The following KIF2A variants were observed in gnomAD, a reference collection of about 807,000 sequenced individuals.
KIF2A encodes the protein kinesin-like protein KIF2A.
Under a neutral mutation model 100.2 loss-of-function variants are expected in KIF2A, and 22 were observed. That is an observed-to-expected ratio of 0.22 (90% CI 0.16 to 0.31). KIF2A has a LOEUF of 0.31. Among genes scored for constraint, KIF2A ranks in the 10% least tolerant of loss-of-function variants. The pLI is 1.00. For synonymous variants in KIF2A, 268 were observed against 285.9 expected, an observed-to-expected ratio of 0.94 and a Z score of 0.63; for missense variants, 495 against 898.7, an observed-to-expected ratio of 0.55 and a Z score of 5.74.
At chr5:62,342,313 C>T (rs1747336764) in intron 1 of KIF2A, among the ~76,000 whole-genome samples, 1 of 152,152 alleles carries the variant, frequency 6.6e-6, no homozygotes, top group Non-Finnish European at 1.5e-5. Flanking sequence ...GCTTATGGCT[C>T]TCTGGGGTCC....
chr5:62,324,915 C>G (rs1011961816), intron 1 of KIF2A, among the ~76,000 whole-genome samples: 1 of 152,102 alleles, frequency 6.6e-6, no homozygotes. Flanking sequence ...AACAGACAAC[C>G]TACAGAATGG....
In KIF2A at chr5:62,357,699, A is replaced by G. The variant is rs1748186072; in HGVS notation, c.663A>G (p.Glu221=). 6.5e-7 allele frequency: 1 copy of G among 1,542,090 alleles called. No homozygotes were observed. Among genetic ancestry groups the G allele is most frequent in the Non-Finnish European group, 8.9e-7 (1 of 1,121,084 alleles). Residue 221 remains glutamate, a synonymous_variant, in exon 8 of 21, where the codon GAA becomes GAG. Coordinates refer to ENST00000407818, the MANE Select transcript of KIF2A (RefSeq NM_001098511.3). ...RPLTTADPID[E]HRICVCVRKR... ...ATACTTTTTATTTCTAGATTGATGA[A>G]CATAGGATATGTGTGTGTGTAAGAA...
chr5:62,326,882 A>G (rs1383265525), intron 1 of KIF2A, among the ~76,000 whole-genome samples: 1 of 152,082 alleles, frequency 6.6e-6, no homozygotes, highest in Non-Finnish European at 1.5e-5. Context: ...CTGTGGTCCT[A>G]CCTACTGAGG....
intron 20 of KIF2A, among the ~76,000 whole-genome samples, chr5:62,383,417 G>A (rs1477351081): frequency 2.0e-5 from 3 of 150,932 alleles, no homozygotes; most frequent in East Asian, 2.0e-4. Context: ...TAATTTTTTT[G>A]TATTTTTAGT....
chr5:62,389,485 C>CAACAAAAAAAAAAAAAAA lies in KIF2A; in HGVS notation c.*3918_*3919insCAAAAAAAAAAAAAAAAA, dbSNP rs1742195408. On this transcript the variant is annotated 3_prime_UTR_variant, in exon 21 of 21. Transcript: ENST00000407818. ...TGGGTGACAGAGCAAGACTCTGTCT[C>CAACAAAAAAAAAAAAAAA]AAAAAAAAAAAAAAAAGAAATGTTA... Among the ~76,000 whole-genome samples the CAACAAAAAAAAAAAAAAA allele has an allele frequency of 1.3e-5, 1 of 75,916 alleles. No homozygotes were observed. The highest frequency in any genetic ancestry group is 4.5e-4 in the South Asian group (1 of 2,222). The allele number at this position is 75,916 out of a possible 152,430, so 49.8% of individuals were successfully genotyped here. A position where few individuals can be genotyped will look rare whatever the true frequency, so the allele number is the denominator to read the frequency against.
chr5:62,371,268 AC>A (rs1006159982), intron 16 of KIF2A, among the ~76,000 whole-genome samples: 17 of 152,276 alleles, frequency 1.1e-4, no homozygotes, highest in East Asian at 7.7e-4. Context: ...AGGAAAAAAA[AC>A]ATATTTAGAT....
chr5:62,368,236 G>A (rs1427290476), intron 16 of KIF2A, among the ~76,000 whole-genome samples: 1 of 150,806 alleles, frequency 6.6e-6, no homozygotes, highest in Non-Finnish European at 1.5e-5. Context: ...GTAACCCATG[G>A]ATTAACTTCT....
chr5:62,319,590 T>TC (rs1210678083), intron 1 of KIF2A, among the ~76,000 whole-genome samples: 20 of 152,330 alleles, frequency 1.3e-4, no homozygotes, highest in African/African-American at 4.1e-4. Context: ...CAGACTCAAG[T>TC]TCCTTTATAT....
chr5:62,381,204 A>G lies in KIF2A; in HGVS notation c.2100A>G (p.Gln700=). 2 of 1,610,516 alleles carry G rather than the reference A, an allele frequency of 1.2e-6. No homozygotes were observed. The highest frequency in any genetic ancestry group is 2.2e-5 in the South Asian group (2 of 91,000). ...ATGATGTCGATTCATATGCTACACA[A>G]CTTGAAGCTATTCTTGAGCAAAAAA... ...VDYDVDSYAT[Q]LEAILEQKID... The change falls in exon 20 of 21, where the codon CAA becomes CAG. Residue 700 remains glutamine, a synonymous_variant. Coordinates refer to ENST00000407818, the MANE Select transcript of KIF2A (RefSeq NM_001098511.3).
At chr5:62,321,724 C>T (rs543778313) in intron 1 of KIF2A, among the ~76,000 whole-genome samples, 2 of 151,922 alleles carry the variant, frequency 1.3e-5, no homozygotes, top group Non-Finnish European at 1.5e-5. Flanking sequence ...CACATCCGGT[C>T]GATTTTTATA....
At chr5:62,327,572 C>T (rs1746440514) in intron 1 of KIF2A, among the ~76,000 whole-genome samples, 1 of 152,232 alleles carries the variant, frequency 6.6e-6, no homozygotes, top group Admixed American at 6.5e-5. Context: ...ATATCTTAAA[C>T]TTCATACGTA....
rs763258220 is a variant in KIF2A at position 62,381,124 on chromosome 5, A to G, written c.2020A>G (p.Ile674Val). The G allele has an allele frequency of 7.5e-6, 12 of 1,610,576 alleles. No homozygotes were observed. Among genetic ancestry groups the G allele is most frequent in the South Asian group, 1.1e-5 (1 of 90,768 alleles). ...EDHRAVFQES[I>V]RWLEDEKALL... ...CGAATTTTTGTCCTTGTAGGAATCT[A>G]TTCGGTGGTTAGAAGATGAAAAGGC... The change falls in exon 20 of 21, where the codon ATT (isoleucine) becomes GTT (valine). Residue 674 changes from isoleucine (I) to valine (V), a missense_variant. This residue lies in a region of KIF2A where 58 missense variants were observed against 94.8 expected (regional missense o/e 0.61). Transcript: ENST00000407818.
At chr5:62,320,504 T>G (rs1746043634) in intron 1 of KIF2A, among the ~76,000 whole-genome samples, 1 of 152,154 alleles carries the variant, frequency 6.6e-6, no homozygotes, top group Non-Finnish European at 1.5e-5. Flanking sequence ...ATCCACACAG[T>G]GTACATTACA....
chr5:62,320,555 T>C (rs928982072), intron 1 of KIF2A, among the ~76,000 whole-genome samples: 1 of 139,444 alleles, frequency 7.2e-6, no homozygotes, highest in African/African-American at 2.7e-5. Context: ...GTTCAGGCTG[T>C]GACTATAGCA....
chr5:62,328,388 ATT>A (rs1246857208), intron 1 of KIF2A, among the ~76,000 whole-genome samples: 1 of 151,544 alleles, frequency 6.6e-6, no homozygotes, highest in Non-Finnish European at 1.5e-5. Flanking sequence ...TGATTTTAGA[ATT>A]TTGGTTTTTA....
chr5:62,366,169 G>T (rs1034767842), intron 15 of KIF2A, among the ~76,000 whole-genome samples: 7 of 151,686 alleles, frequency 4.6e-5, no homozygotes, highest in Non-Finnish European at 8.8e-5. Context: ...TCCCTTCCAG[G>T]TATTAACCTC....
chr5:62,381,607 C>T (rs146178148), intron 20 of KIF2A, among the ~76,000 whole-genome samples: 29 of 152,334 alleles, frequency 1.9e-4, no homozygotes, highest in African/African-American at 6.5e-4. Context: ...TTCTGTTGCC[C>T]AGGCTGGAGC....
At chr5:62,325,344 G>A (rs1304832169) in intron 1 of KIF2A, among the ~76,000 whole-genome samples, 2 of 151,748 alleles carry the variant, frequency 1.3e-5, no homozygotes, top group Admixed American at 6.6e-5. Context: ...GGCTGGTCTC[G>A]AACTCCTGAC....
intron 9 of KIF2A, 97 bp from the exon 10 acceptor site, chr5:62,361,142 TAAG>T (rs1748384419): frequency 1.9e-6 from 1 of 523,146 alleles, no homozygotes; most frequent in African/African-American, 2.0e-5. Context: ...ATCTTGCTAT[TAAG>T]TTTTATTTAT....
Sources: allele counts gnomAD v4.1 joint callset (sites outside exome capture counted in the v4.1 genomes callset), GRCh38; gene constraint gnomAD v4.1.1; regional missense constraint gnomAD v4.1.1; transcripts MANE v1.5; gene names NCBI Gene and HGNC (gene_info 2026-07-23, HGNC 2026-07-21).